Variants in ADAMTS6 observed in about 807,000 individuals in gnomAD.
ADAMTS6 encodes the protein ADAM metallopeptidase with thrombospondin type 1 motif 6.
Under a neutral mutation model 144.3 loss-of-function variants are expected in ADAMTS6, and 23 were observed. That is an observed-to-expected ratio of 0.16 (90% CI 0.11 to 0.23). The LOEUF is 0.23. ADAMTS6 is among the 10% of genes least tolerant of loss of function. The pLI is 1.00. For synonymous variants in ADAMTS6, 444 were observed against 457.5 expected, an observed-to-expected ratio of 0.97 and a Z score of 0.38; for missense variants, 999 against 1,379.6, an observed-to-expected ratio of 0.72 and a Z score of 4.37.
intron 7 of ADAMTS6, among the ~76,000 whole-genome samples, chr5:65,347,587 T>C (rs933298660): frequency 2.0e-5 from 3 of 151,916 alleles, no homozygotes; most frequent in Non-Finnish European, 2.9e-5. Flanking sequence ...ACAACATTGA[T>C]CTGGGCAATG....
chr5:65,415,400 G>T, intron 7 of ADAMTS6: 1 of 161,484 alleles, frequency 6.2e-6, no homozygotes, highest in South Asian at 1.5e-4. Flanking sequence ...GCCCAGGGAT[G>T]GGAAACCGCA....
chr5:65,271,517 C>T (rs1025277259), intron 12 of ADAMTS6, among the ~76,000 whole-genome samples: 6 of 151,674 alleles, frequency 4.0e-5, no homozygotes, highest in Admixed American at 6.6e-5. Context: ...AGAAATTTAT[C>T]ATCTCTATCA....
intron 7 of ADAMTS6, among the ~76,000 whole-genome samples, chr5:65,409,332 C>T (rs1754854061): frequency 7.9e-6 from 1 of 126,400 alleles, no homozygotes; most frequent in Non-Finnish European, 1.8e-5. Flanking sequence ...CCACTGATCC[C>T]ACAGAAATAC....
chr5:65,343,346 T>C (rs537328315), intron 7 of ADAMTS6, among the ~76,000 whole-genome samples: 8 of 152,074 alleles, frequency 5.3e-5, no homozygotes, highest in Admixed American at 2.0e-4. Context: ...TAAAAACAGA[T>C]GTATAGACCA....
intron 7 of ADAMTS6, among the ~76,000 whole-genome samples, chr5:65,337,050 G>A (rs369308235): frequency 6.6e-6 from 1 of 152,028 alleles, no homozygotes; most frequent in Non-Finnish European, 1.5e-5. Context: ...GGATTAAAAA[G>A]TACACCATCT....
intron 15 of ADAMTS6, among the ~76,000 whole-genome samples, chr5:65,241,769 A>T (rs1759212219): frequency 6.6e-6 from 1 of 152,200 alleles, no homozygotes; most frequent in Non-Finnish European, 1.5e-5. Flanking sequence ...TTATAATGTA[A>T]CTTACATATA....
chr5:65,306,246 G>A (rs1438060229), intron 9 of ADAMTS6, among the ~76,000 whole-genome samples: 1 of 152,166 alleles, frequency 6.6e-6, no homozygotes, highest in Non-Finnish European at 1.5e-5. Context: ...GAGTAACATA[G>A]ACTATTAAGA....
intron 20 of ADAMTS6, among the ~76,000 whole-genome samples, chr5:65,208,985 A>G (rs1455143619): frequency 1.3e-5 from 2 of 152,244 alleles, no homozygotes; most frequent in African/African-American, 2.4e-5. Context: ...TTGGTAGAAC[A>G]TTGCAATCTG....
intron 4 of ADAMTS6, 51 bp from the exon 5 acceptor site, chr5:65,452,969 T>C (rs376205506): frequency 1.5e-6 from 2 of 1,366,730 alleles, no homozygotes; most frequent in Admixed American, 1.9e-5. Flanking sequence ...AAAATATTTA[T>C]TTATAGATCT....
At chr5:65,376,775 G>A (rs916599803) in intron 7 of ADAMTS6, among the ~76,000 whole-genome samples, 11 of 151,898 alleles carry the variant, frequency 7.2e-5, no homozygotes, top group Admixed American at 6.6e-5. Flanking sequence ...AGGCTGCAGT[G>A]AGCCATAACC....
chr5:65,271,521 TC>T (rs1762055916), intron 12 of ADAMTS6, among the ~76,000 whole-genome samples: 1 of 152,182 alleles, frequency 6.6e-6, no homozygotes. Flanking sequence ...ATTTATCATC[TC>T]TATCATATAT....
intron 21 of ADAMTS6, among the ~76,000 whole-genome samples, chr5:65,196,522 CAAAAAAAAAAAAAAAA>C (rs533444182): frequency 2.6e-5 from 1 of 38,036 alleles, no homozygotes; most frequent in Non-Finnish European, 5.2e-5. Context: ...GACTCCGTCT[CAAAAAAAAAAAAAAAA>C]AAAAAAAAAA....
chr5:65,210,837 G>GTA (rs1382761216), intron 20 of ADAMTS6: 2 of 400,528 alleles, frequency 5.0e-6, no homozygotes, highest in Admixed American at 6.1e-5. Context: ...TGGGGAAGAT[G>GTA]TATAAGAAAG....
rs904511486 is a variant in ADAMTS6 at position 65,149,206 on chromosome 5, T to C, written c.*2630A>G. 3.3e-5 allele frequency: 5 copies of C among 152,230 alleles called. No individual in the cohort carries two copies. The highest frequency in any genetic ancestry group is 1.3e-4 in the Admixed American group (2 of 15,280). 9.4% of individuals were successfully genotyped at this position (152,230 alleles called of 1,614,324 possible). On this transcript the variant is annotated 3_prime_UTR_variant, in exon 25 of 25. Transcript: ENST00000381055. ...ACCAGTTTCCCTGGGGTTCCCTAAGTAGTCTATGTAGCTCACTACTTTTGG... is the reference window on the plus strand; with the variant it reads ...ACCAGTTTCCCTGGGGTTCCCTAAGCAGTCTATGTAGCTCACTACTTTTGG...
chr5:65,281,821 CT>C (rs1350183922), intron 11 of ADAMTS6, among the ~76,000 whole-genome samples: 4 of 151,918 alleles, frequency 2.6e-5, no homozygotes, highest in African/African-American at 4.8e-5. Context: ...TAAAATAGGG[CT>C]TTTTTGATCA....
chr5:65,320,864 T>C (rs894676136), intron 9 of ADAMTS6, among the ~76,000 whole-genome samples: 1 of 152,216 alleles, frequency 6.6e-6, no homozygotes, highest in African/African-American at 2.4e-5. Flanking sequence ...TCCAAGTCCC[T>C]GCAAAGGACA....
intron 7 of ADAMTS6, among the ~76,000 whole-genome samples, chr5:65,448,813 A>G (rs1580732803): frequency 2.0e-5 from 3 of 152,264 alleles, no homozygotes; most frequent in East Asian, 3.9e-4. Flanking sequence ...TCAAGCAAAC[A>G]TGCATCATGA....
chr5:65,405,499 A>G (rs78656624), intron 7 of ADAMTS6, among the ~76,000 whole-genome samples: 92,573 of 151,836 alleles, frequency 0.61, 30,165 homozygotes, highest in African/African-American at 0.85. Flanking sequence ...TGTTCCATTG[A>G]TCTATATCTC....
chr5:65,232,525 C>A (rs1758335042), intron 15 of ADAMTS6, among the ~76,000 whole-genome samples: 1 of 151,732 alleles, frequency 6.6e-6, no homozygotes, highest in African/African-American at 2.4e-5. Context: ...GACATTACAA[C>A]AGACACCACA....
Sources: gnomAD v4.1 joint callset for allele counts (sites outside exome capture counted in the v4.1 genomes callset) on GRCh38, gnomAD v4.1.1 for gene constraint, MANE v1.5 for transcripts, NCBI Gene and HGNC (gene_info 2026-07-23, HGNC 2026-07-21) for gene names.